PAFAH1B2: variants seen among roughly 807,000 people sequenced by gnomAD.
The protein encoded by PAFAH1B2 is platelet-activating factor acetylhydrolase IB subunit alpha2.
PAFAH1B2 carries 8 observed loss-of-function variants against 28.0 expected under a neutral mutation model. The observed-to-expected ratio is 0.29, with a 90% CI of 0.17 to 0.52. The LOEUF is 0.52. PAFAH1B2 is among the 20% of genes least tolerant of loss of function. The probability of loss-of-function intolerance (pLI) is 0.97; values close to 1 mark genes in which losing one functional copy is unlikely to be tolerated. For synonymous variants in PAFAH1B2, 104 were observed against 103.2 expected (o/e 1.01, Z -0.05); for missense variants, 190 against 282.6 (o/e 0.67, Z 2.35).
At chr11:117,177,509 G>C (rs1460117713), downstream of PAFAH1B2, among the ~76,000 whole-genome samples, 2 of 152,184 alleles carry the variant, frequency 1.3e-5, no homozygotes, top group African/African-American at 4.8e-5. Flanking sequence ...ATGTCTATAT[G>C]CATTTGGAAT....
At chr11:117,155,245 A>G (rs187179116) in intron 2 of PAFAH1B2, among the ~76,000 whole-genome samples, 26 of 152,338 alleles carry the variant, frequency 1.7e-4, no homozygotes, top group Non-Finnish European at 3.1e-4. Flanking sequence ...GTGAGCCACC[A>G]CATCCCTGGC....
At chr11:117,146,492 C>T (rs192349994) in intron 1 of PAFAH1B2, among the ~76,000 whole-genome samples, 1 of 152,294 alleles carries the variant, frequency 6.6e-6, no homozygotes, top group Admixed American at 6.5e-5. Context: ...AAGAATACAA[C>T]AGCTGGAGCC....
chr11:117,156,480 G>A (rs972787890), intron 2 of PAFAH1B2, among the ~76,000 whole-genome samples: 1 of 152,130 alleles, frequency 6.6e-6, no homozygotes, highest in African/African-American at 2.4e-5. Flanking sequence ...CCAGAAAGAG[G>A]TGTCCATGAT....
chr11:117,168,614 T>C lies in PAFAH1B2; in HGVS notation c.*915T>C. The C allele has an allele frequency of 9.4e-7, 1 of 1,064,170 alleles. No homozygotes were observed. Among genetic ancestry groups the C allele is most frequent in the Non-Finnish European group, 1.1e-6 (1 of 878,706 alleles). The allele number at this position is 1,064,170 out of a possible 1,614,324, so 65.9% of individuals were successfully genotyped here. ...GTGGTGTTCTGTGCTATAGATTCTGTGTATTGCTGTTCATATTCGGAGTTC... is the reference window on the plus strand; with the variant it reads ...GTGGTGTTCTGTGCTATAGATTCTGCGTATTGCTGTTCATATTCGGAGTTC... On this transcript the variant is annotated 3_prime_UTR_variant, in exon 6 of 6. Coordinates refer to ENST00000527958, the MANE Select transcript of PAFAH1B2 (RefSeq NM_002572.4).
At chr11:117,165,351 A>G (rs1956482164) in intron 5 of PAFAH1B2, among the ~76,000 whole-genome samples, 1 of 13,918 alleles carries the variant, frequency 7.2e-5, no homozygotes, top group Admixed American at 6.1e-4. Context: ...CTCGGTCTCA[A>G]AAAAAAAAAA....
chr11:117,169,096 G>A lies in PAFAH1B2; in HGVS notation c.*1397G>A. 1 of 1,018,800 alleles carries A rather than the reference G, an allele frequency of 9.8e-7. No individual in the cohort carries two copies. Among genetic ancestry groups the A allele is most frequent in the Non-Finnish European group, 1.2e-6 (1 of 849,406 alleles). The allele number at this position is 1,018,800 out of a possible 1,614,324, so 63.1% of individuals were successfully genotyped here. A position where few individuals can be genotyped will look rare whatever the true frequency, so the allele number is the denominator to read the frequency against. ...ATGAGCCACCGTGCCTGGCCTTATT[G>A]GCTTAGTTTTTAAATTATCCTCCAA... On this transcript the variant is annotated 3_prime_UTR_variant, in exon 6 of 6. Coordinates refer to ENST00000527958, the MANE Select transcript of PAFAH1B2 (RefSeq NM_002572.4).
intron 1 of PAFAH1B2, among the ~76,000 whole-genome samples, chr11:117,148,624 A>G (rs1213598292): frequency 1.3e-5 from 2 of 152,132 alleles, no homozygotes; most frequent in African/African-American, 4.8e-5. Context: ...ATGCCTGTTT[A>G]TTGAATTGTA....
chr11:117,147,625 GTGTTTAAAAA>G (rs2134164173), intron 1 of PAFAH1B2, among the ~76,000 whole-genome samples: 1 of 152,280 alleles, frequency 6.6e-6, no homozygotes, highest in East Asian at 1.9e-4. Flanking sequence ...TCTTTTCCTG[GTGTTTAAAAA>G]TGTTACCAAG....
chr11:117,173,948 C>T (rs568739732), downstream of PAFAH1B2, among the ~76,000 whole-genome samples: 2 of 152,278 alleles, frequency 1.3e-5, no homozygotes, highest in South Asian at 4.1e-4. Context: ...CAGAAAGCTT[C>T]AGGTTCATTT....
At chr11:117,150,459 G>GTT (rs775523965) in intron 1 of PAFAH1B2, among the ~76,000 whole-genome samples, 34 of 143,612 alleles carry the variant, frequency 2.4e-4, no homozygotes, top group African/African-American at 8.3e-4. Context: ...CGATGATGTT[G>GTT]TTTTTTTTTT....
At chr11:117,155,259 AAAGGTTT>A (rs1956233742) in intron 2 of PAFAH1B2, among the ~76,000 whole-genome samples, 1 of 152,180 alleles carries the variant, frequency 6.6e-6, no homozygotes, top group Non-Finnish European at 1.5e-5. Context: ...CCCTGGCCTA[AAAGGTTT>A]TCTTAAGGGT....
intron 1 of PAFAH1B2, among the ~76,000 whole-genome samples, chr11:117,151,005 AGAT>A (rs1956137224): frequency 6.6e-6 from 1 of 151,346 alleles, no homozygotes; most frequent in Non-Finnish European, 1.5e-5. Flanking sequence ...AAAAAAAAAA[AGAT>A]GACCTTCTTT....
intron 2 of PAFAH1B2, among the ~76,000 whole-genome samples, chr11:117,155,435 A>G (rs1225795761): frequency 6.6e-6 from 1 of 152,210 alleles, no homozygotes; most frequent in Non-Finnish European, 1.5e-5. Flanking sequence ...AAAGGAACTA[A>G]TATATAAGTA....
downstream of PAFAH1B2, among the ~76,000 whole-genome samples, chr11:117,171,964 C>T (rs1434649396): frequency 2.0e-5 from 3 of 152,092 alleles, no homozygotes; most frequent in Non-Finnish European, 4.4e-5. Flanking sequence ...CCTCTCCACC[C>T]ACACTCCTGG....
At chr11:117,173,517 T>A (rs186427309), downstream of PAFAH1B2, among the ~76,000 whole-genome samples, 1 of 152,322 alleles carries the variant, frequency 6.6e-6, no homozygotes, top group African/African-American at 2.4e-5. Flanking sequence ...CTTTTTTCTT[T>A]TTCTTTGAAT....
At position 117,170,204 on chromosome 11, in the gene PAFAH1B2, T is replaced by TA. The variant is rs772352734; in HGVS notation, c.*2511dup. On this transcript the variant is annotated 3_prime_UTR_variant, in exon 6 of 6. Coordinates refer to ENST00000527958, the MANE Select transcript of PAFAH1B2 (RefSeq NM_002572.4). The stretch of plus-strand genomic sequence containing the variant: ...CTTACTGCTTAGTCTTTGTACTTTT[T>TA]AAAAAATCTATAAATTTAATGCACT... 1.7e-5 allele frequency: 18 copies of TA among 1,058,070 alleles called. No individual in the cohort carries two copies. The Admixed American group carries it at 4.3e-4, about 26-fold the overall frequency. The allele number at this position is 1,058,070 out of a possible 1,614,324, so 65.5% of individuals were successfully genotyped here.
chr11:117,171,428 C>A (rs1353278285), downstream of PAFAH1B2, among the ~76,000 whole-genome samples: 2 of 152,138 alleles, frequency 1.3e-5, no homozygotes, highest in African/African-American at 4.8e-5. Context: ...CCCAGCTACT[C>A]AGGAGGCTGA....
chr11:117,164,929 G>T (rs1029123981), intron 5 of PAFAH1B2, among the ~76,000 whole-genome samples: 7 of 151,100 alleles, frequency 4.6e-5, no homozygotes, highest in African/African-American at 1.7e-4. Context: ...CCAGCTATTC[G>T]GGAGGCTGAA....
At chr11:117,173,273 GTGAC>G (rs1229649196), downstream of PAFAH1B2, among the ~76,000 whole-genome samples, 7 of 152,310 alleles carry the variant, frequency 4.6e-5, no homozygotes, top group African/African-American at 7.2e-5. Flanking sequence ...GAAATGGAAA[GTGAC>G]TGACCTATCT....
Sources: allele counts gnomAD v4.1 joint callset (sites outside exome capture counted in the v4.1 genomes callset), GRCh38; gene constraint gnomAD v4.1.1; transcripts MANE v1.5; gene names NCBI Gene and HGNC (gene_info 2026-07-23, HGNC 2026-07-21).